The following DNAH3 variants were observed in gnomAD, a reference collection of about 807,000 sequenced individuals.
DNAH3 encodes axonemal beta dynein heavy chain 3.
DNAH3 carries 332 observed loss-of-function variants against 432.5 expected under a neutral mutation model. That is an observed-to-expected ratio of 0.77 (90% CI 0.70 to 0.84). The LOEUF is 0.84. Among genes scored for constraint, DNAH3 ranks in the 40% least tolerant of loss-of-function variants. DNAH3 has a pLI of 0.00. For missense variants in DNAH3, 4,861 were observed against 5,114.0 expected, an observed-to-expected ratio of 0.95 and a Z score of 1.51; for synonymous variants, 1,956 against 1,900.2, an observed-to-expected ratio of 1.03 and a Z score of -0.76.
At chr16:20,933,610 A>G (rs2083487350) in intron 61 of DNAH3, 103 bp from the exon 62 acceptor site, 2 of 858,950 alleles carry the variant, frequency 2.3e-6, no homozygotes, top group Non-Finnish European at 3.5e-6. Flanking sequence ...ACCTGGTTGC[A>G]ATATCTACCT....
At chr16:20,967,670 T>G (rs2085126251) in intron 52 of DNAH3, among the ~76,000 whole-genome samples, 1 of 151,732 alleles carries the variant, frequency 6.6e-6, no homozygotes, top group African/African-American at 2.4e-5. Context: ...CCAGCTAATT[T>G]TTTTTTTTGG....
rs993863034 is a variant in DNAH3, at chr16:21,054,658, A to G, written c.3925-124T>C. The G allele has an allele frequency of 2.4e-5, 16 of 666,750 alleles. No homozygotes were observed. The African/African-American group carries it at 2.5e-4, about 11-fold the overall frequency. 41.3% of individuals were successfully genotyped at this position (666,750 alleles called of 1,614,324 possible). A position where few individuals can be genotyped will look rare whatever the true frequency, so the allele number is the denominator to read the frequency against. On this transcript the variant is annotated intron_variant, in intron 27 of 61. Transcript: ENST00000261383. ...CCAGACTCCTGGGTGTCATCCCTCA[A>G]GTCCAACTTTTCCTTACCCCAGTCC...
intron 12 of DNAH3, among the ~76,000 whole-genome samples, chr16:21,116,302 G>A (rs1457724927): frequency 2.0e-5 from 3 of 151,850 alleles, no homozygotes; most frequent in African/African-American, 7.3e-5. Context: ...TAATCCCCAC[G>A]TGTTGTGGGA....
intron 14 of DNAH3, among the ~76,000 whole-genome samples, chr16:21,107,092 G>A (rs956871962): frequency 6.6e-6 from 1 of 151,914 alleles, no homozygotes; most frequent in Admixed American, 6.6e-5. Context: ...CTGAACCTGG[G>A]TTAATTGACT....
At chr16:21,041,921 C>T in intron 32 of DNAH3, 106 bp downstream of exon 32, 1 of 1,339,452 alleles carries the variant, frequency 7.5e-7, no homozygotes. Flanking sequence ...GATTTGCCCA[C>T]CTTGGCCTCC....
exon 55 of DNAH3, chr16:20,954,922 A>G (rs1393167531): frequency 6.2e-7 from 1 of 1,614,190 alleles, no homozygotes; most frequent in Admixed American, 1.7e-5. Flanking sequence ...AGAACACAGG[A>G]TCTGAGATGG....
chr16:21,107,239 C>CTCT (rs2091968739), intron 14 of DNAH3, among the ~76,000 whole-genome samples: 1 of 91,304 alleles, frequency 1.1e-5, no homozygotes, highest in African/African-American at 4.0e-5. Flanking sequence ...AATTTTTAAT[C>CTCT]TTTTTTTTTT....
At chr16:20,966,690 G>A (rs1286130762) in intron 52 of DNAH3, among the ~76,000 whole-genome samples, 1 of 152,182 alleles carries the variant, frequency 6.6e-6, no homozygotes, top group Non-Finnish European at 1.5e-5. Flanking sequence ...TTCATGGATG[G>A]AAAAGGCAGC....
At chr16:21,142,895 CCTCT>C (rs1567867271) in intron 3 of DNAH3, among the ~76,000 whole-genome samples, 1 of 152,038 alleles carries the variant, frequency 6.6e-6, no homozygotes, top group East Asian at 1.9e-4. Context: ...GGCAAGCAAC[CCTCT>C]CAATAAACAC....
At chr16:21,150,343 T>C (rs531560846) in intron 1 of DNAH3, 31 of 453,598 alleles carry the variant, frequency 6.8e-5, no homozygotes, top group South Asian at 1.6e-5. Flanking sequence ...ATTGTAGCTA[T>C]TTTTTTAAAA....
At chr16:21,076,559 G>A (rs2090983049) in intron 20 of DNAH3, among the ~76,000 whole-genome samples, 1 of 152,134 alleles carries the variant, frequency 6.6e-6, no homozygotes, top group East Asian at 1.9e-4. Context: ...TAAATGGCAT[G>A]TAATCAAACT....
intron 44 of DNAH3, among the ~76,000 whole-genome samples, chr16:20,989,107 C>G (rs944151616): frequency 5.9e-5 from 9 of 152,178 alleles, no homozygotes; most frequent in African/African-American, 2.2e-4. Flanking sequence ...GAGACCCGAG[C>G]GGGTTACCAC....
intron 37 of DNAH3, among the ~76,000 whole-genome samples, chr16:21,027,836 C>T (rs1024565822): frequency 1.3e-5 from 2 of 152,196 alleles, no homozygotes; most frequent in Admixed American, 1.3e-4. Flanking sequence ...GTTTCCTGGT[C>T]CCTTTCTCAA....
At chr16:20,960,637 G>A (rs538771217) in intron 53 of DNAH3, among the ~76,000 whole-genome samples, 85 of 152,246 alleles carry the variant, frequency 5.6e-4, no homozygotes, top group African/African-American at 1.9e-3. Context: ...GGGAAGAGGC[G>A]GAGGTTGCAG....
chr16:20,984,937 C>T (rs2086115471), intron 48 of DNAH3, 112 bp downstream of exon 48: 7 of 932,988 alleles, frequency 7.5e-6, no homozygotes, highest in Non-Finnish European at 7.9e-6. Context: ...CGAGCTGGTG[C>T]GTTGGCTGAA....
chr16:21,084,141 T>A (rs1422281570), intron 19 of DNAH3, among the ~76,000 whole-genome samples: 2 of 152,066 alleles, frequency 1.3e-5, no homozygotes, highest in African/African-American at 4.8e-5. Flanking sequence ...TCTCTCCAAG[T>A]CTCAGTTTTC....
intron 33 of DNAH3, among the ~76,000 whole-genome samples, chr16:21,039,196 A>G (rs952464982): frequency 6.8e-6 from 1 of 147,120 alleles, no homozygotes; most frequent in Non-Finnish European, 1.5e-5. Flanking sequence ...GAATAATTGC[A>G]TATGTTTTAT....
intron 31 of DNAH3, among the ~76,000 whole-genome samples, 184 bp downstream of exon 31, chr16:21,049,385 T>C (rs2089858650): frequency 6.6e-6 from 1 of 152,212 alleles, no homozygotes; most frequent in East Asian, 1.9e-4. Context: ...GATGGGGCTA[T>C]GTGTATAAAA....
rs1183779505 is a variant in DNAH3 at position 21,024,588 on chromosome 16, G to A, written c.5646+8C>T. The stretch of plus-strand genomic sequence containing the variant: ...CAGGAGGGGAAGGAAAGGGTCTGAG[G>A]GGCTCACCAATTCTTTGTGCTCCTT... On this transcript the variant is annotated splice_region_variant and intron_variant, in intron 39 of 61. Transcript: ENST00000261383. 6.3e-7 allele frequency: 1 copy of A among 1,599,746 alleles called. No homozygotes were observed. Among genetic ancestry groups the A allele is most frequent in the Non-Finnish European group, 8.5e-7 (1 of 1,172,456 alleles).
Sources: gnomAD v4.1 joint callset for allele counts (sites outside exome capture counted in the v4.1 genomes callset) on GRCh38, gnomAD v4.1.1 for gene constraint, MANE v1.5 for transcripts, NCBI Gene and HGNC (gene_info 2026-07-23, HGNC 2026-07-21) for gene names.